The following SEMA3A variants were observed in gnomAD, a reference collection of about 807,000 sequenced individuals.
The protein encoded by SEMA3A is semaphorin 3A, also known as semaphorin-3A.
SEMA3A carries 29 observed loss-of-function variants against 97.9 expected under a neutral mutation model. The observed-to-expected ratio is 0.30, with a 90% confidence interval of 0.22 to 0.40. The LOEUF (loss-of-function observed/expected upper bound fraction) is 0.40. Ranked by LOEUF, SEMA3A falls within the 10% of genes least tolerant of loss-of-function variation. The probability of loss-of-function intolerance (pLI) is 1.00; values close to 1 mark genes in which losing one functional copy is unlikely to be tolerated. For synonymous variants in SEMA3A, 321 were observed against 323.7 expected, an observed-to-expected ratio of 0.99 and a Z score of 0.09; for missense variants, 763 against 951.3, an observed-to-expected ratio of 0.80 and a Z score of 2.60.
intron 1 of SEMA3A, among the ~76,000 whole-genome samples, chr7:84,420,063 GA>G (rs1314628245): frequency 6.6e-6 from 1 of 151,990 alleles, no homozygotes; most frequent in East Asian, 1.9e-4. Context: ...TACAGTCAAA[GA>G]TAGTGAGTTC....
At chr7:83,995,188 G>T (rs181823154) in intron 12 of SEMA3A, among the ~76,000 whole-genome samples, 2 of 152,122 alleles carry the variant, frequency 1.3e-5, no homozygotes, top group African/African-American at 4.8e-5. Flanking sequence ...CGCACGGTGC[G>T]CTCACCCACT....
At chr7:84,240,646 G>A (rs1361404934) in intron 3 of SEMA3A, among the ~76,000 whole-genome samples, 2 of 152,168 alleles carry the variant, frequency 1.3e-5, no homozygotes, top group Non-Finnish European at 2.9e-5. Context: ...TGCTGAACAT[G>A]TGCAGAGTGG....
At chr7:84,150,899 G>C (rs552990722) in intron 1 of SEMA3A, among the ~76,000 whole-genome samples, 7 of 150,956 alleles carry the variant, frequency 4.6e-5, no homozygotes, top group South Asian at 4.2e-4. Flanking sequence ...ATCTGAGAAC[G>C]GGCAGACTGC....
chr7:84,456,217 G>T (rs1805680825), intron 1 of SEMA3A, among the ~76,000 whole-genome samples: 1 of 151,808 alleles, frequency 6.6e-6, no homozygotes, highest in Admixed American at 6.6e-5. Flanking sequence ...TGCTTATAAA[G>T]AAATGCTTAT....
chr7:84,132,867 G>A (rs972604591), intron 2 of SEMA3A, among the ~76,000 whole-genome samples: 3 of 151,538 alleles, frequency 2.0e-5, no homozygotes, highest in Non-Finnish European at 4.4e-5. Context: ...GTAGAGACAG[G>A]TTTCACCATG....
chr7:84,132,382 G>A (rs1314370660), intron 2 of SEMA3A, among the ~76,000 whole-genome samples: 1 of 52,474 alleles, frequency 1.9e-5, no homozygotes, highest in Admixed American at 2.5e-4. Context: ...ACAAATGGCT[G>A]TAGAATTTTC....
chr7:84,346,401 G>A (rs1199073333), intron 2 of SEMA3A, among the ~76,000 whole-genome samples: 4 of 152,116 alleles, frequency 2.6e-5, no homozygotes, highest in African/African-American at 9.7e-5. Flanking sequence ...ACTGCTTGGT[G>A]CAAGAGGCCT....
At chr7:84,050,811 T>C (rs960079301) in intron 5 of SEMA3A, among the ~76,000 whole-genome samples, 21 of 152,284 alleles carry the variant, frequency 1.4e-4, no homozygotes, top group Non-Finnish European at 3.1e-4. Context: ...TGGTAATGCC[T>C]AGGTTTTCTT....
intron 1 of SEMA3A, among the ~76,000 whole-genome samples, chr7:84,143,867 A>G (rs1329702813): frequency 1.3e-5 from 2 of 150,274 alleles, no homozygotes; most frequent in Non-Finnish European, 3.0e-5. Flanking sequence ...GGTCATCATC[A>G]TTATTATCAT....
chr7:84,067,966 A>T (rs1216100563), intron 4 of SEMA3A, among the ~76,000 whole-genome samples: 1 of 137,846 alleles, frequency 7.3e-6, no homozygotes, highest in African/African-American at 2.8e-5. Flanking sequence ...ATAAAGACAC[A>T]TGCACACGTA....
At chr7:84,024,944 G>A (rs1055862362) in intron 6 of SEMA3A, among the ~76,000 whole-genome samples, 15 of 152,052 alleles carry the variant, frequency 9.9e-5, no homozygotes, top group South Asian at 8.3e-4. Context: ...AAAAGTAGCC[G>A]GGCATGGTGG....
chr7:84,362,637 TC>T (rs1802755020), intron 2 of SEMA3A, among the ~76,000 whole-genome samples: 1 of 151,982 alleles, frequency 6.6e-6, no homozygotes, highest in South Asian at 2.1e-4. Context: ...ACATATGAAA[TC>T]CCTTTCTATA....
At chr7:84,370,688 C>T (rs1392512951) in intron 2 of SEMA3A, among the ~76,000 whole-genome samples, 1 of 151,358 alleles carries the variant, frequency 6.6e-6, no homozygotes, top group Non-Finnish European at 1.5e-5. Context: ...CTCAAATATA[C>T]CTTTATAATG....
At chr7:84,212,301 C>A (rs559630322) in intron 3 of SEMA3A, among the ~76,000 whole-genome samples, 10 of 152,286 alleles carry the variant, frequency 6.6e-5, no homozygotes, top group Admixed American at 5.2e-4. Context: ...AAAATATTTA[C>A]TCTAAAAACA....
intron 1 of SEMA3A, among the ~76,000 whole-genome samples, chr7:84,456,696 T>G (rs1020986039): frequency 1.3e-5 from 2 of 151,876 alleles, no homozygotes; most frequent in African/African-American, 4.8e-5. Flanking sequence ...TTGAAAAAGT[T>G]GTCATTTTTA....
Position 84,134,863 on chromosome 7 carries a change from A to G in SEMA3A, c.201T>C (p.Ser67=), listed in dbSNP as rs144566280. Residue 67 remains serine, a synonymous_variant, in exon 2 of 17, where the codon AGT becomes AGC. Coordinates refer to ENST00000265362, the MANE Select transcript of SEMA3A (RefSeq NM_006080.3). ...YHTFLLDEER[S]RLYVGAKDHI... ...GATCCTTTGCTCCAACATACAGCCT[A>G]CTCCGTTCCTCATCCAAAAGGAAGG... is the stretch of plus-strand genomic sequence containing the variant. 804 of 1,613,666 alleles carry G rather than the reference A, an allele frequency of 5.0e-4. 1 individual carries two copies. The highest frequency in any genetic ancestry group is 6.3e-4 in the Non-Finnish European group (747 of 1,179,840).
rs542706074 is a variant in SEMA3A at position 84,193,809 on chromosome 7, C to G, written c.112+666G>C. Among the ~76,000 whole-genome samples, 7 of 152,208 alleles carry G rather than the reference C, an allele frequency of 4.6e-5. No homozygotes were observed. In the South Asian group the frequency reaches 1.0e-3, roughly 23 times the overall value. On this transcript the variant is annotated intron_variant, in intron 1 of 16. Coordinates refer to ENST00000265362, the MANE Select transcript of SEMA3A (RefSeq NM_006080.3). ...TTACACAACTACCTATGCAAGCAGA[C>G]AGTAATGTGTCTGCAGTTCTCACTG...
rs181288582 is a variant in SEMA3A, at chr7:83,957,896, A to C, written c.*3475T>G. 2.4e-4 allele frequency: 37 copies of C among 152,180 alleles called. No homozygotes were observed. In the East Asian group the frequency reaches 6.9e-3, roughly 29 times the overall value. The allele number at this position is 152,180 out of a possible 1,614,324, so 9.4% of individuals were successfully genotyped here. Reference sequence around the variant, plus strand: ...CCTATTTAAGTCTGTCTTTGAAACCATGAAACCTGATACAGTTTCATTAAA... The same window carrying C: ...CCTATTTAAGTCTGTCTTTGAAACCCTGAAACCTGATACAGTTTCATTAAA... On this transcript the variant is annotated 3_prime_UTR_variant, in exon 17 of 17. Coordinates refer to ENST00000265362, the MANE Select transcript of SEMA3A (RefSeq NM_006080.3).
At chr7:84,054,119 G>A (rs1209876363) in intron 5 of SEMA3A, among the ~76,000 whole-genome samples, 2 of 151,848 alleles carry the variant, frequency 1.3e-5, no homozygotes, top group African/African-American at 2.4e-5. Flanking sequence ...AGGGTAACCC[G>A]ACCTTTCTCT....
Sources: allele counts gnomAD v4.1 joint callset (sites outside exome capture counted in the v4.1 genomes callset), GRCh38; gene constraint gnomAD v4.1.1; transcripts MANE v1.5; gene names NCBI Gene and HGNC (gene_info 2026-07-23, HGNC 2026-07-21).